Variants in CLIC3 observed in about 807,000 individuals in gnomAD.
The protein encoded by CLIC3 is chloride intracellular channel protein 3.
Under a neutral mutation model 19.9 loss-of-function variants are expected in CLIC3, and 29 were observed. The ratio of observed to expected loss-of-function variants is 1.46; its 90% CI spans 1.09 to 1.99. CLIC3 has a LOEUF of 1.99. Among genes scored for constraint, CLIC3 ranks in the 30% most tolerant of loss-of-function variants. CLIC3 has a pLI of 0.00. For missense variants in CLIC3, 365 were observed against 342.6 expected, an observed-to-expected ratio of 1.07 and a Z score of -0.52; for synonymous variants, 143 against 156.4, an observed-to-expected ratio of 0.91 and a Z score of 0.64.
At position 136,995,806 on chromosome 9, in the gene CLIC3, G is replaced by A. The variant is rs1186578624; in HGVS notation, c.34-49C>T. On this transcript the variant is annotated intron_variant, in intron 1 of 5. Transcript: ENST00000494426. ...GGGGTCAGGGCTGGAAGCAGACCCA[G>A]GCATCCTGCCGCCAGGCTGGGCGGG... 3.9e-6 allele frequency: 5 copies of A among 1,281,068 alleles called. No homozygotes were observed. In the Admixed American group the frequency reaches 6.8e-5, roughly 17 times the overall value. The allele number at this position is 1,281,068 out of a possible 1,614,324, so 79.4% of individuals were successfully genotyped here. A position where few individuals can be genotyped will look rare whatever the true frequency, so the allele number is the denominator to read the frequency against.
In CLIC3 at chr9:136,994,789, G is replaced by T; in HGVS notation, c.603C>A (p.Gly201=). ...RQAPIPAELR[G]VRRYLDSAMQ... ...TCGCGCTGTCCAGGTAGCGGCGTAC[G>T]CCGCGCAGCTCCGCGGGGATGGGCG... The change falls in exon 6 of 6, where the codon GGC becomes GGA. Residue 201 remains glycine (G), a synonymous_variant. Coordinates refer to ENST00000494426, the MANE Select transcript of CLIC3 (RefSeq NM_004669.3). The T allele has an allele frequency of 6.3e-7, 1 of 1,594,180 alleles. No individual in the cohort carries two copies. The highest frequency in any genetic ancestry group is 8.5e-7 in the Non-Finnish European group (1 of 1,171,120).
chr9:136,995,626 G>T (rs369332047), intron 2 of CLIC3, 22 bp downstream of exon 2: 7 of 1,609,392 alleles, frequency 4.3e-6, no homozygotes, highest in Non-Finnish European at 5.1e-6. Flanking sequence ...GCCAGGCGGG[G>T]GTCCACAGGA....
chr9:136,994,623 G>A lies in CLIC3; in HGVS notation c.*58C>T, dbSNP rs966620609. The A allele has an allele frequency of 1.9e-6, 3 of 1,553,750 alleles. No homozygotes were observed. The highest frequency in any genetic ancestry group is 2.6e-6 in the Non-Finnish European group (3 of 1,146,970). ...GAGACCTCTGGCCCTTCAGATGTCA[G>A]GACACCCTCACTCCCGACAAAGATG... On this transcript the variant is annotated 3_prime_UTR_variant, in exon 6 of 6. Coordinates refer to ENST00000494426, the MANE Select transcript of CLIC3 (RefSeq NM_004669.3).
Position 136,994,689 on chromosome 9 carries a change from G to A in CLIC3, c.703C>T (p.Pro235Ser), listed in dbSNP as rs138947887. ...AGACGCGGGGTGGGGCGCTAGCGGG[G>A]GTGCACGGCGGGCCGGTAGGCCGCC... ...ILAAYRPAVH[P>S]R Residue 235 changes from proline (P) to serine (S), a missense_variant, in exon 6 of 6, where the codon CCC becomes TCC. By Grantham distance (74) the Pro-to-Ser change is moderately conservative. Transcript: ENST00000494426. 8.8e-4 allele frequency: 1,411 copies of A among 1,608,522 alleles called. 19 individuals carry two copies. The East Asian group carries it at 0.021, about 24-fold the overall frequency.
In CLIC3 at chr9:136,995,457, G is replaced by C. The variant is rs758577027; in HGVS notation, c.254C>G (p.Thr85Arg). 1.1e-5 allele frequency: 17 copies of C among 1,612,352 alleles called. No individual in the cohort carries two copies. The East Asian group carries it at 3.8e-4, about 36-fold the overall frequency. Residue 85 changes from threonine to arginine, a missense_variant, in exon 3 of 6, where the codon ACG becomes AGG. Physicochemically the swap from Thr to Arg is moderately conservative, Grantham distance 71 (BLOSUM62 -1). Coordinates refer to ENST00000494426, the MANE Select transcript of CLIC3 (RefSeq NM_004669.3). ...GGGCTCTCACTCGGGCGGCCCCAGC[G>C]TCTCCTCCAGAAAGTCCTCGATCTG... ...TLQIEDFLEE[T>R]LGPPDFPSLA...
chr9:136,994,681 C>T lies in CLIC3; in HGVS notation c.711G>A (p.Ter237=), dbSNP rs1441234861. 4 of 1,606,654 alleles carry T rather than the reference C, an allele frequency of 2.5e-6. No individual in the cohort carries two copies. Among genetic ancestry groups the T allele is most frequent in the Non-Finnish European group, 3.4e-6 (4 of 1,177,318 alleles). The change falls in exon 6 of 6, where the codon TAG becomes TAA. Residue 237 remains the stop codon, a stop_retained_variant. Transcript: ENST00000494426. ...TGGGCGACAGACGCGGGGTGGGGCGCTAGCGGGGGTGCACGGCGGGCCGGT... is the reference window on the plus strand; with the variant it reads ...TGGGCGACAGACGCGGGGTGGGGCGTTAGCGGGGGTGCACGGCGGGCCGGT... ...AAYRPAVHPR[*]
rs758927044 is a variant in CLIC3 at position 136,994,758 on chromosome 9, C to T, written c.634G>A (p.Glu212Lys). 3.4e-5 allele frequency: 55 copies of T among 1,605,544 alleles called. No homozygotes were observed. The highest frequency in any genetic ancestry group is 4.2e-5 in the Non-Finnish European group (49 of 1,176,728). Residue 212 changes from glutamate (E) to lysine (K), a missense_variant, in exon 6 of 6, where the codon GAG becomes AAG. Glu to Lys is a moderately conservative substitution (Grantham distance 56, BLOSUM62 1). Coordinates refer to ENST00000494426, the MANE Select transcript of CLIC3 (RefSeq NM_004669.3). ...GGACACGTGTATTTGAACTCTTTCT[C>T]CTGCATCGCGCTGTCCAGGTAGCGG... The part of the protein sequence containing the change: ...VRRYLDSAMQ[E>K]KEFKYTCPHS...
At chr9:136,995,846 G>A in intron 1 of CLIC3, 89 bp from the exon 2 acceptor site, 1 of 890,950 alleles carries the variant, frequency 1.1e-6, no homozygotes, top group Non-Finnish European at 1.7e-6. Context: ...GCCTCCCACT[G>A]CCAGTGGGAT....
Position 136,995,124 on chromosome 9 carries a change from G to T in CLIC3, c.377-19C>A, listed in dbSNP as rs902699086. 1 of 1,574,016 alleles carries T rather than the reference G, an allele frequency of 6.4e-7. No individual in the cohort carries two copies. Among genetic ancestry groups the T allele is most frequent in the Admixed American group, 1.9e-5 (1 of 53,970 alleles). On this transcript the variant is annotated intron_variant, in intron 4 of 5. Coordinates refer to ENST00000494426, the MANE Select transcript of CLIC3 (RefSeq NM_004669.3). ...TACAGGGCTAGGGGGCAGGCGGCGC[G>T]GTGAGGACCAGGCCCAGGGCGCCCT...
chr9:136,994,917 C>T lies in CLIC3; in HGVS notation c.552+13G>A. 6.8e-7 allele frequency: 1 copy of T among 1,478,572 alleles called. No individual in the cohort carries two copies. The highest frequency in any genetic ancestry group is 2.6e-5 in the East Asian group (1 of 37,844). 91.6% of individuals were successfully genotyped at this position (1,478,572 alleles called of 1,614,324 possible). A position where few individuals can be genotyped will look rare whatever the true frequency, so the allele number is the denominator to read the frequency against. On this transcript the variant is annotated intron_variant, in intron 5 of 5. Transcript: ENST00000494426. ...CGCGGTCACCCTCCCGCCCGCCCAC[C>T]TTCCGTGCTCACGTCGACGATGTGC...
At chr9:136,995,885 C>T (rs761262094) in intron 1 of CLIC3, 128 bp from the exon 2 acceptor site, 72 of 650,678 alleles carry the variant, frequency 1.1e-4, no homozygotes, top group Admixed American at 2.3e-4. Context: ...CCAGCTTGGT[C>T]GGCGCGACTT....
chr9:136,996,377 G>T, intron 1 of CLIC3, 134 bp downstream of exon 1: 1 of 801,032 alleles, frequency 1.2e-6, no homozygotes, highest in South Asian at 1.6e-5. Context: ...AGGGCTGCCT[G>T]AGTCCCCCTA....
rs1312448851 is a variant in CLIC3, at chr9:136,995,198, C to T, written c.364G>A (p.Ala122Thr). Residue 122 changes from alanine to threonine, a missense_variant, in exon 4 of 6, where the codon GCG (alanine) becomes ACG (threonine). Transcript: ENST00000494426. ...FSAFIKNPVP[A>T]QDEALYQQLL... ...GACCCCGCTTCACCTTCGTCCTGCGCGGGCACCGGGTTCTTGATGAACGCG... is the reference window on the plus strand; with the variant it reads ...GACCCCGCTTCACCTTCGTCCTGCGTGGGCACCGGGTTCTTGATGAACGCG... 3.7e-6 allele frequency: 6 copies of T among 1,612,460 alleles called. No individual in the cohort carries two copies. The highest frequency in any genetic ancestry group is 1.7e-4 in the Middle Eastern group (1 of 6,050).
rs764183952 is a variant in CLIC3, at chr9:136,995,736, C to T, written c.55G>A (p.Val19Met). The change falls in exon 2 of 6, where the codon GTG (valine) becomes ATG (methionine). Residue 19 changes from valine to methionine, a missense_variant. Physicochemically the swap from Val to Met is conservative, Grantham distance 21. Coordinates refer to ENST00000494426, the MANE Select transcript of CLIC3 (RefSeq NM_004669.3). ...CGCTGGCAGGAGGGGCAGTGACCCA[C>T]GCTCTCCCCGTCCTCACTCGCCTGG... is the stretch of plus-strand genomic sequence containing the variant. ...FVKASEDGES[V>M]GHCPSCQRLF... The T allele has an allele frequency of 1.9e-5, 30 of 1,586,046 alleles. No individual in the cohort carries two copies. Among genetic ancestry groups the T allele is most frequent in the Middle Eastern group, 4.3e-4 (2 of 4,662 alleles).
Position 136,994,610 on chromosome 9 carries a change from C to G in CLIC3, c.*71G>C. The G allele has an allele frequency of 1.3e-6, 2 of 1,497,964 alleles. No individual in the cohort carries two copies. The highest frequency in any genetic ancestry group is 2.4e-5 in the East Asian group (1 of 41,212). The allele number at this position is 1,497,964 out of a possible 1,614,324, so 92.8% of individuals were successfully genotyped here. A position where few individuals can be genotyped will look rare whatever the true frequency, so the allele number is the denominator to read the frequency against. ...GGGAAGTGATCCCGAGACCTCTGGC[C>G]CTTCAGATGTCAGGACACCCTCACT... is the stretch of plus-strand genomic sequence containing the variant. On this transcript the variant is annotated 3_prime_UTR_variant, in exon 6 of 6. Transcript: ENST00000494426.
intron 1 of CLIC3, 88 bp downstream of exon 1, chr9:136,996,423 G>C: frequency 8.1e-7 from 1 of 1,240,304 alleles, no homozygotes; most frequent in South Asian, 1.3e-5. Context: ...ATTACTGGGA[G>C]GCCCACCCCA....
In CLIC3 at chr9:136,995,682, C is replaced by T. The variant is rs1212299249; in HGVS notation, c.109G>A (p.Val37Ile). 6 of 1,609,266 alleles carry T rather than the reference C, an allele frequency of 3.7e-6. No homozygotes were observed. The highest frequency in any genetic ancestry group is 4.5e-5 in the East Asian group (2 of 44,754). Reference protein sequence around the residue: ...RLFMVLLLKGVPFTLTTVDTR... With the variant: ...RLFMVLLLKGIPFTLTTVDTR... ...TCCACCGTGGTGAGGGTGAAAGGTA[C>T]GCCCTTGAGGAGCAGGACCATGAAG... Residue 37 changes from valine (V) to isoleucine (I), a missense_variant, in exon 2 of 6, where the codon GTA (valine) becomes ATA (isoleucine). Val to Ile is a conservative substitution (Grantham distance 29). Coordinates refer to ENST00000494426, the MANE Select transcript of CLIC3 (RefSeq NM_004669.3).
chr9:136,995,487 G>T lies in CLIC3; in HGVS notation c.224C>A (p.Thr75Lys). 4 of 1,612,622 alleles carry T rather than the reference G, an allele frequency of 2.5e-6. No homozygotes were observed. The highest frequency in any genetic ancestry group is 2.7e-5 in the African/African-American group (2 of 75,044). The change falls in exon 3 of 6, where the codon ACG becomes AAG. Residue 75 changes from threonine to lysine, a missense_variant. Coordinates refer to ENST00000494426, the MANE Select transcript of CLIC3 (RefSeq NM_004669.3). ...CTCCAGAAAGTCCTCGATCTGCAGC[G>T]TGTCTGTCTTGGCGTCGCTGTCATA... ...LLYDSDAKTD[T>K]LQIEDFLEET...
At position 136,995,201 on chromosome 9, in the gene CLIC3, G is replaced by A. The variant is rs1830683535; in HGVS notation, c.361C>T (p.Pro121Ser). ...KFSAFIKNPV[P>S]AQDEALYQQL... The stretch of plus-strand genomic sequence containing the variant: ...CCCGCTTCACCTTCGTCCTGCGCGG[G>A]CACCGGGTTCTTGATGAACGCGGAG... The change falls in exon 4 of 6, where the codon CCC becomes TCC. Residue 121 changes from proline (P) to serine (S), a missense_variant. By Grantham distance (74) the Pro-to-Ser change is moderately conservative. Transcript: ENST00000494426. The A allele has an allele frequency of 6.2e-7, 1 of 1,612,574 alleles. No individual in the cohort carries two copies. The highest frequency in any genetic ancestry group is 8.5e-7 in the Non-Finnish European group (1 of 1,179,798).
Sources: gnomAD v4.1 joint callset for allele counts on GRCh38, gnomAD v4.1.1 for gene constraint, MANE v1.5 for transcripts, NCBI Gene and HGNC (gene_info 2026-07-23, HGNC 2026-07-21) for gene names.